TENM2: variants seen among roughly 807,000 people sequenced by gnomAD.
TENM2 encodes the protein teneurin-2.
A neutral mutation model predicts 245.2 loss-of-function variants in TENM2; 52 were observed. That is an observed-to-expected ratio of 0.21 (90% confidence interval 0.17 to 0.27). The LOEUF (loss-of-function observed/expected upper bound fraction) is 0.27, where lower values mean the gene tolerates loss of function less well. TENM2 is among the 10% of genes least tolerant of loss of function. TENM2 has a pLI of 1.00. For synonymous variants in TENM2, 1,363 were observed against 1,438.9 expected, an observed-to-expected ratio of 0.95 and a Z score of 1.19; for missense variants, 3,046 against 3,666.8, an observed-to-expected ratio of 0.83 and a Z score of 4.37.
chr5:167,244,879 T>G, the TENM2 span, among the ~76,000 whole-genome samples: 1 of 152,104 alleles, frequency 6.6e-6, no homozygotes, highest in Non-Finnish European at 1.5e-5. Context: ...TGTGGTATTT[T>G]CAAGGAGTTT....
intron 12 of TENM2, among the ~76,000 whole-genome samples, chr5:168,148,985 A>G (rs897189667): frequency 1.3e-5 from 2 of 152,140 alleles, no homozygotes; most frequent in Non-Finnish European, 2.9e-5. Context: ...AAGCTGGCCT[A>G]TAGGGTTAAA....
At position 167,479,136 on chromosome 5, in the gene TENM2, A is replaced by G. The variant is rs921212100; in HGVS notation, c.502+103663A>G. On this transcript the variant is annotated intron_variant, in intron 2 of 28. Transcript: ENST00000518659. ...GAAGTTATATTAGTTGTCCAAGGAC[A>G]CACAGTTAGAAAGTTAGACACTGGA... Among the ~76,000 whole-genome samples, 9 of 152,192 alleles carry G rather than the reference A, an allele frequency of 5.9e-5. No individual in the cohort carries two copies. In the East Asian group the frequency reaches 1.7e-3, roughly 29 times the overall value.
chr5:167,773,205 T>A (rs1416275720), intron 2 of TENM2, among the ~76,000 whole-genome samples: 1 of 152,204 alleles, frequency 6.6e-6, no homozygotes, highest in Non-Finnish European at 1.5e-5. Flanking sequence ...TAAATTGGAT[T>A]TTTTAAAGTG....
the TENM2 span, among the ~76,000 whole-genome samples, chr5:167,062,989 C>A: frequency 1.3e-5 from 2 of 152,164 alleles, no homozygotes; most frequent in Admixed American, 1.3e-4. Context: ...GAAGTCAGAC[C>A]CCCTTCTAGT....
chr5:167,546,514 C>T (rs868772872), intron 2 of TENM2, among the ~76,000 whole-genome samples: 5 of 152,146 alleles, frequency 3.3e-5, no homozygotes, highest in Non-Finnish European at 5.9e-5. Flanking sequence ...CGATGACTAA[C>T]GCTAAGTCTT....
intron 2 of TENM2, among the ~76,000 whole-genome samples, chr5:167,500,015 T>C (rs1241063462): frequency 6.8e-6 from 1 of 146,854 alleles, no homozygotes; most frequent in African/African-American, 2.6e-5. Flanking sequence ...TGTGTGTGTA[T>C]GTGTATGTGA....
At chr5:167,016,029 C>T in the TENM2 span, among the ~76,000 whole-genome samples, 16 of 151,840 alleles carry the variant, frequency 1.1e-4, no homozygotes, top group Admixed American at 3.9e-4. Flanking sequence ...CCAAGGCGGG[C>T]GGATCACGAG....
chr5:167,858,228 G>A (rs1425456032), intron 2 of TENM2, among the ~76,000 whole-genome samples: 1 of 152,232 alleles, frequency 6.6e-6, no homozygotes, highest in Non-Finnish European at 1.5e-5. Flanking sequence ...TGAGCTAAGA[G>A]CCACAACAGC....
chr5:167,739,025 T>G (rs1760993500), intron 2 of TENM2, among the ~76,000 whole-genome samples: 1 of 152,184 alleles, frequency 6.6e-6, no homozygotes, highest in African/African-American at 2.4e-5. Context: ...TGCAGAAAAC[T>G]GGATCATATT....
rs186950146 is a variant in TENM2, at chr5:168,048,002, G to A, written c.1309+453G>A. Among the ~76,000 whole-genome samples, 821 of 152,292 alleles carry A rather than the reference G, an allele frequency of 5.4e-3. 5 individuals are homozygous for A. The highest frequency in any genetic ancestry group is 0.017 in the South Asian group (83 of 4,828). On this transcript the variant is annotated intron_variant, in intron 6 of 28. Coordinates refer to ENST00000518659, the Ensembl canonical transcript of TENM2. ...TCCCAGGAGACATGCAGCCTCCCTGGGGAGGAAGCTGCCTGGCTTGGCATG... is the reference window on the plus strand; with the variant it reads ...TCCCAGGAGACATGCAGCCTCCCTGAGGAGGAAGCTGCCTGGCTTGGCATG...
chr5:167,862,396 T>C (rs1014421766), intron 2 of TENM2, among the ~76,000 whole-genome samples: 4 of 152,110 alleles, frequency 2.6e-5, no homozygotes, highest in African/African-American at 9.7e-5. Flanking sequence ...CCAAAACATC[T>C]CTCCATCCAC....
At chr5:168,227,570 G>A (rs1477962691) in intron 24 of TENM2, among the ~76,000 whole-genome samples, 1 of 150,890 alleles carries the variant, frequency 6.6e-6, no homozygotes, top group Non-Finnish European at 1.5e-5. Context: ...TAAGCTTCGG[G>A]AATTTGATTG....
chr5:167,330,725 C>T (rs939004113), intron 1 of TENM2, among the ~76,000 whole-genome samples: 20 of 152,168 alleles, frequency 1.3e-4, no homozygotes, highest in African/African-American at 4.3e-4. Flanking sequence ...CAGCAATGCT[C>T]ATGATAATTT....
At chr5:167,861,221 A>G (rs911395268) in intron 2 of TENM2, among the ~76,000 whole-genome samples, 1 of 151,932 alleles carries the variant, frequency 6.6e-6, no homozygotes. Context: ...TCTAATGCAA[A>G]ATGTCCTCAA....
intron 2 of TENM2, among the ~76,000 whole-genome samples, chr5:167,828,418 G>A (rs1216801409): frequency 1.3e-5 from 2 of 152,170 alleles, no homozygotes; most frequent in Admixed American, 6.5e-5. Context: ...TTAAGCGATA[G>A]TCTGCATGTG....
chr5:167,509,743 A>C (rs1769803420), intron 2 of TENM2, among the ~76,000 whole-genome samples: 1 of 152,218 alleles, frequency 6.6e-6, no homozygotes, highest in Non-Finnish European at 1.5e-5. Context: ...GCATTGCCTC[A>C]CATAATTTTA....
At chr5:167,299,154 T>G (rs1454651650) in intron 1 of TENM2, among the ~76,000 whole-genome samples, 1 of 152,144 alleles carries the variant, frequency 6.6e-6, no homozygotes, top group African/African-American at 2.4e-5. Context: ...CCGTTCTACC[T>G]TTCCTGAAGA....
At chr5:168,123,369 A>G (rs552463870) in intron 10 of TENM2, among the ~76,000 whole-genome samples, 2 of 152,322 alleles carry the variant, frequency 1.3e-5, no homozygotes, top group Middle Eastern at 3.4e-3. Context: ...GACACTCAGC[A>G]TAAAAAATGT....
chr5:168,071,510 A>G (rs554288821), intron 7 of TENM2, among the ~76,000 whole-genome samples: 16 of 152,234 alleles, frequency 1.1e-4, no homozygotes, highest in African/African-American at 3.9e-4. Context: ...CACACAAACT[A>G]TTTTTACCCT....
Sources: gnomAD v4.1 joint callset for allele counts (sites outside exome capture counted in the v4.1 genomes callset) on GRCh38, gnomAD v4.1.1 for gene constraint, MANE v1.5 for transcripts, NCBI Gene and HGNC (gene_info 2026-07-23, HGNC 2026-07-21) for gene names.